AACS: variants seen among roughly 807,000 people sequenced by gnomAD.
AACS encodes the protein acetoacetyl-CoA synthetase.
A neutral mutation model predicts 83.1 loss-of-function variants in AACS; 69 were observed. The ratio of observed to expected loss-of-function variants is 0.83; its 90% CI spans 0.68 to 1.01. The LOEUF (loss-of-function observed/expected upper bound fraction) is 1.01. Among genes scored for constraint, AACS ranks in the 50% least tolerant of loss-of-function variants. The pLI is 0.00. For missense variants in AACS, 866 were observed against 882.2 expected (o/e 0.98, Z 0.23); for synonymous variants, 333 against 343.4 (o/e 0.97, Z 0.33).
chr12:125,136,316 C>A, intron 16 of AACS: 1 of 282,132 alleles, frequency 3.5e-6, no homozygotes, highest in Non-Finnish European at 6.8e-6. Context: ...TCCCAGAGTG[C>A]TGGGATTATA....
chr12:125,135,389 C>A (rs1415059483), intron 16 of AACS, among the ~76,000 whole-genome samples: 2 of 152,180 alleles, frequency 1.3e-5, no homozygotes, highest in African/African-American at 4.8e-5. Context: ...GCCACCACGC[C>A]CGGCCAACTT....
chr12:125,089,866 C>G (rs1299191142), intron 4 of AACS, among the ~76,000 whole-genome samples: 6 of 87,778 alleles, frequency 6.8e-5, no homozygotes, highest in African/African-American at 2.6e-4. Flanking sequence ...TCCATCCATC[C>G]TGTCTATACA....
intron 5 of AACS, among the ~76,000 whole-genome samples, chr12:125,093,763 G>T (rs1281937871): frequency 6.6e-6 from 1 of 152,220 alleles, no homozygotes. Context: ...TCTCTCTGTC[G>T]CTCATTTTGC....
intron 9 of AACS, among the ~76,000 whole-genome samples, chr12:125,115,678 AC>A (rs1333375638): frequency 6.6e-6 from 1 of 150,390 alleles, no homozygotes; most frequent in Non-Finnish European, 1.5e-5. Context: ...AGGGAGGACA[AC>A]CCCCCCACCC....
At chr12:125,071,996 T>C (rs1955878473) in intron 1 of AACS, among the ~76,000 whole-genome samples, 1 of 152,034 alleles carries the variant, frequency 6.6e-6, no homozygotes, top group African/African-American at 2.4e-5. Context: ...TAGCTGGGAT[T>C]ATAGGCATGC....
chr12:125,133,890 G>T, intron 14 of AACS, 113 bp from the exon 15 acceptor site: 1 of 1,062,014 alleles, frequency 9.4e-7, no homozygotes, highest in South Asian at 1.4e-5. Context: ...CCCCATGCCA[G>T]ACCTGCCTCT....
intron 10 of AACS, chr12:125,123,010 T>C (rs1285029323): frequency 6.6e-6 from 1 of 152,248 alleles, no homozygotes; most frequent in East Asian, 1.9e-4. Flanking sequence ...TGGGGGACTT[T>C]GCCGTTTCTT....
chr12:125,127,150 A>AG (rs1416115905), intron 12 of AACS: 1 of 151,420 alleles, frequency 6.6e-6, no homozygotes, highest in Admixed American at 6.6e-5. Flanking sequence ...AAAAAAAAAA[A>AG]GGTGCCATTT....
chr12:125,081,876 C>G (rs531009500), intron 3 of AACS, among the ~76,000 whole-genome samples: 1 of 150,592 alleles, frequency 6.6e-6, no homozygotes, highest in Non-Finnish European at 1.5e-5. Context: ...AAAAAAAAAA[C>G]GAGTTTTTTT....
At chr12:125,126,247 A>AT (rs1268145669) in intron 12 of AACS, 4 of 152,192 alleles carry the variant, frequency 2.6e-5, no homozygotes, top group Non-Finnish European at 4.4e-5. Context: ...GGTGTGAGCC[A>AT]CTGTGTCTGG....
chr12:125,103,570 T>C (rs1956765017), intron 7 of AACS, among the ~76,000 whole-genome samples: 1 of 152,234 alleles, frequency 6.6e-6, no homozygotes, highest in Non-Finnish European at 1.5e-5. Context: ...TAAACACTCG[T>C]ATATGTATTT....
At position 125,142,515 on chromosome 12, in the gene AACS, G is replaced by C; in HGVS notation, c.*286G>C. ...TTGCACACACAGTGCAGCGGGAACG[G>C]TGGGGCTGGCTGGTGCTGAAGACAG... On this transcript the variant is annotated 3_prime_UTR_variant, in exon 18 of 18. Coordinates refer to ENST00000316519, the MANE Select transcript of AACS (RefSeq NM_023928.5). 1 of 341,670 alleles carries C rather than the reference G, an allele frequency of 2.9e-6. No individual in the cohort carries two copies. Among genetic ancestry groups the C allele is most frequent in the Non-Finnish European group, 5.4e-6 (1 of 185,498 alleles). 21.2% of individuals were successfully genotyped at this position (341,670 alleles called of 1,614,324 possible). A position where few individuals can be genotyped will look rare whatever the true frequency, so the allele number is the denominator to read the frequency against.
Position 125,113,481 on chromosome 12 carries a change from T to A in AACS, c.916-996T>A, listed in dbSNP as rs1956992393. Among the ~76,000 whole-genome samples the A allele has an allele frequency of 6.6e-6, 1 of 152,214 alleles. No homozygotes were observed. The highest frequency in any genetic ancestry group is 1.5e-5 in the Non-Finnish European group (1 of 68,038). On this transcript the variant is annotated intron_variant, in intron 8 of 17. Transcript: ENST00000316519. This position sits in a 1 kb window ranked among gnomAD's most constrained non-coding sequence, Gnocchi z 4.8. ...GTGGAGTGACGGGTGCAGGGGCCAC[T>A]GGCTCTGCTCTCTGGGTTGTGCCTG...
intron 10 of AACS, chr12:125,122,480 A>T (rs1957168731): frequency 6.6e-6 from 1 of 151,942 alleles, no homozygotes; most frequent in African/African-American, 2.4e-5. Context: ...CTAAAAATAC[A>T]AAAAATACAA....
chr12:125,126,182 G>C (rs538900108), intron 12 of AACS: 1 of 152,078 alleles, frequency 6.6e-6, no homozygotes, highest in Non-Finnish European at 1.5e-5. Context: ...CTGGTCTCGA[G>C]CTCCTGACCT....
rs181710470 is a variant in AACS, at chr12:125,071,188, C to T, written c.134-2688C>T. On this transcript the variant is annotated intron_variant, in intron 1 of 17. Transcript: ENST00000316519. ...ATCTGCCATATGCCACCTAGGACTG[C>T]GTGAGCATCCTCACTGGCTTCTCCT... Among the ~76,000 whole-genome samples the T allele has an allele frequency of 1.4e-3, 214 of 152,254 alleles. 1 individual carries two copies. The highest frequency in any genetic ancestry group is 4.9e-3 in the African/African-American group (202 of 41,542).
rs1346917857 is a variant in AACS, at chr12:125,118,714, C to G, written c.1070C>G (p.Ser357Cys). ...TGAAMVLYDG[S>C]PLVPTPNVLW... Reference sequence around the variant, plus strand: ...GCGGCCATGGTCTTGTACGATGGCTCCCCCCTGGTGCCCACGCCCAATGTG... The same window carrying G: ...GCGGCCATGGTCTTGTACGATGGCTGCCCCCTGGTGCCCACGCCCAATGTG... The change falls in exon 10 of 18, where the codon TCC becomes TGC. Residue 357 changes from serine (S) to cysteine (C), a missense_variant. Transcript: ENST00000316519. The G allele has an allele frequency of 2.5e-6, 4 of 1,613,802 alleles. No individual in the cohort carries two copies. The highest frequency in any genetic ancestry group is 1.1e-5 in the South Asian group (1 of 91,036).
intron 14 of AACS, among the ~76,000 whole-genome samples, chr12:125,132,419 G>T (rs1189457037): frequency 6.6e-6 from 1 of 152,162 alleles, no homozygotes. Context: ...TGTTGTTGCT[G>T]GCACCGAAGT....
At chr12:125,135,314 C>T (rs1208746757) in intron 16 of AACS, among the ~76,000 whole-genome samples, 2 of 152,006 alleles carry the variant, frequency 1.3e-5, no homozygotes, top group African/African-American at 2.4e-5. Context: ...AGGCTGGTCT[C>T]GAACTCCTGA....
Sources: allele counts gnomAD v4.1 joint callset (sites outside exome capture counted in the v4.1 genomes callset), GRCh38; gene constraint gnomAD v4.1.1; non-coding constraint Gnocchi (gnomAD v3.1); transcripts MANE v1.5; gene names NCBI Gene and HGNC (gene_info 2026-07-23, HGNC 2026-07-21).